The following IZUMO1 variants were observed in gnomAD, a reference collection of about 807,000 sequenced individuals.
IZUMO1 encodes the protein izumo sperm-oocyte fusion 1.
In IZUMO1, 44 loss-of-function variants were observed where a neutral mutation model predicts 40.7. That is an observed-to-expected ratio of 1.08 (90% CI 0.85 to 1.39). The LOEUF is 1.39. IZUMO1 is among the 40% of genes most tolerant of loss of function. The pLI is 0.00. For missense variants in IZUMO1, 368 were observed against 436.9 expected (o/e 0.84, Z 1.41); for synonymous variants, 149 against 170.9 (o/e 0.87, Z 1.00).
At chr19:48,746,139 G>T (rs1599761889) in intron 1 of IZUMO1, 1 of 1,289,258 alleles carries the variant, frequency 7.8e-7, no homozygotes, top group East Asian at 3.4e-5. Flanking sequence ...CCAACTGAGA[G>T]ATCAGAAAAA....
In IZUMO1 at chr19:48,741,528, C is replaced by A. The variant is rs761072642; in HGVS notation, c.755-50G>T. ...GTCCTGGCAGGGCGTGGAGTTCCTG[C>A]CCTGGCAAAGACAAGCCCGTCCCAG... On this transcript the variant is annotated intron_variant, in intron 8 of 9. Transcript: ENST00000332955. This position sits in a 1 kb window ranked among gnomAD's most constrained non-coding sequence, Gnocchi z 4.4. 6.4e-7 allele frequency: 1 copy of A among 1,562,332 alleles called. No individual in the cohort carries two copies. Among genetic ancestry groups the A allele is most frequent in the Non-Finnish European group, 8.7e-7 (1 of 1,144,310 alleles).
Position 48,741,187 on chromosome 19 carries a change from A to C in IZUMO1, c.932+114T>G. 1 of 1,435,964 alleles carries C rather than the reference A, an allele frequency of 7.0e-7. No individual in the cohort carries two copies. The highest frequency in any genetic ancestry group is 1.3e-5 in the South Asian group (1 of 74,804). 89.0% of individuals were successfully genotyped at this position (1,435,964 alleles called of 1,614,324 possible). ...TTCAAGCCCCCCGCACTCCATCCCCAGGAAAGTCCTGCTCTCAGGCCTCAG... is the reference window on the plus strand; with the variant it reads ...TTCAAGCCCCCCGCACTCCATCCCCCGGAAAGTCCTGCTCTCAGGCCTCAG... On this transcript the variant is annotated intron_variant, in intron 9 of 9. Transcript: ENST00000332955. This position sits in a 1 kb window ranked among gnomAD's most constrained non-coding sequence, Gnocchi z 4.4.
Position 48,741,546 on chromosome 19 carries a change from C to T in IZUMO1, c.755-68G>A. On this transcript the variant is annotated intron_variant, in intron 8 of 9. Coordinates refer to ENST00000332955, the MANE Select transcript of IZUMO1 (RefSeq NM_182575.3). This position sits in a 1 kb window ranked among gnomAD's most constrained non-coding sequence, Gnocchi z 4.4. Reference sequence around the variant, plus strand: ...GTTCCTGCCCTGGCAAAGACAAGCCCGTCCCAGTAGCCGGCCATCCCAGAG... The same window carrying T: ...GTTCCTGCCCTGGCAAAGACAAGCCTGTCCCAGTAGCCGGCCATCCCAGAG... The T allele has an allele frequency of 1.3e-6, 2 of 1,506,382 alleles. No homozygotes were observed. The highest frequency in any genetic ancestry group is 1.4e-5 in the African/African-American group (1 of 72,416). 93.3% of individuals were successfully genotyped at this position (1,506,382 alleles called of 1,614,324 possible).
intron 5 of IZUMO1, chr19:48,743,804 A>G (rs1025090339): frequency 1.4e-5 from 7 of 500,970 alleles, no homozygotes; most frequent in Non-Finnish European, 1.8e-5. Flanking sequence ...TAGCCTGACC[A>G]ACATGGTGAA....
rs2033854039 is a variant in IZUMO1 at position 48,745,449 on chromosome 19, T to C, written c.236-161A>G. 2.9e-6 allele frequency: 3 copies of C among 1,017,792 alleles called. No individual in the cohort carries two copies. In the South Asian group the frequency reaches 4.6e-5, roughly 16 times the overall value. 63.0% of individuals were successfully genotyped at this position (1,017,792 alleles called of 1,614,324 possible). ...GGAGTTGTAGTTTTATTACATAAAA[T>C]TGCCAGCCGAGGATAGGGAAAACGG... On this transcript the variant is annotated intron_variant, in intron 2 of 9. Coordinates refer to ENST00000332955, the MANE Select transcript of IZUMO1 (RefSeq NM_182575.3).
Position 48,746,800 on chromosome 19 carries a change from G to C in IZUMO1, c.-439C>G. The C allele has an allele frequency of 1.0e-6, 1 of 985,368 alleles. No individual in the cohort carries two copies. Among genetic ancestry groups the C allele is most frequent in the Non-Finnish European group, 1.2e-6 (1 of 829,916 alleles). 61.0% of individuals were successfully genotyped at this position (985,368 alleles called of 1,614,324 possible). On this transcript the variant is annotated 5_prime_UTR_variant, in exon 1 of 10. Coordinates refer to ENST00000332955, the MANE Select transcript of IZUMO1 (RefSeq NM_182575.3). ...TAAGGTTGGTTGCGTGAAATCGAGAGCTTTTCGACGGGGTCTGAGTCACGG... is the reference window on the plus strand; with the variant it reads ...TAAGGTTGGTTGCGTGAAATCGAGACCTTTTCGACGGGGTCTGAGTCACGG...
At position 48,745,386 on chromosome 19, in the gene IZUMO1, T is replaced by C; in HGVS notation, c.236-98A>G. The C allele has an allele frequency of 5.2e-6, 6 of 1,164,792 alleles. No individual in the cohort carries two copies. The South Asian group carries it at 7.7e-5, about 15-fold the overall frequency. 72.2% of individuals were successfully genotyped at this position (1,164,792 alleles called of 1,614,324 possible). ...TACCCATGAGGCCACTGGGCAAAGA[T>C]AGGCCTGGTTAAGGACTCAGCCGCC... On this transcript the variant is annotated intron_variant, in intron 2 of 9. Transcript: ENST00000332955.
In IZUMO1 at chr19:48,740,917, C is replaced by G. The variant is rs1360370129; in HGVS notation, c.1044G>C (p.Arg348Ser). ...QVPKEKATDS[R>S]QQ Reference sequence around the variant, plus strand: ...ACAACAAGATAAATCTTTATTGTTGCCTCGAATCTGTGGCCTTTTCTTTTG... The same window carrying G: ...ACAACAAGATAAATCTTTATTGTTGGCTCGAATCTGTGGCCTTTTCTTTTG... Residue 348 changes from arginine to serine, a missense_variant, in exon 10 of 10, where the codon AGG becomes AGC. Arg to Ser is a moderately radical substitution (Grantham distance 110, BLOSUM62 -1). Coordinates refer to ENST00000332955, the MANE Select transcript of IZUMO1 (RefSeq NM_182575.3). This position sits in a 1 kb window ranked among gnomAD's most constrained non-coding sequence, Gnocchi z 5.5. 6.2e-7 allele frequency: 1 copy of G among 1,614,034 alleles called. No homozygotes were observed. Among genetic ancestry groups the G allele is most frequent in the African/African-American group, 1.3e-5 (1 of 74,922 alleles).
chr19:48,746,153 TTAAACAGGAATCAC>T, intron 1 of IZUMO1: 21 of 1,256,718 alleles, frequency 1.7e-5, no homozygotes, highest in Non-Finnish European at 2.1e-5. Context: ...AGAAAAACTA[TTAAACAGGAATCAC>T]TCATAAGTCC....
chr19:48,741,019 A>T lies in IZUMO1; in HGVS notation c.942T>A (p.Arg314=). 6.2e-7 allele frequency: 1 copy of T among 1,613,918 alleles called. No individual in the cohort carries two copies. The highest frequency in any genetic ancestry group is 1.1e-5 in the South Asian group (1 of 91,066). The change falls in exon 10 of 10, where the codon CGT becomes CGA. Residue 314 remains arginine (R), a synonymous_variant. Coordinates refer to ENST00000332955, the MANE Select transcript of IZUMO1 (RefSeq NM_182575.3). The surrounding 1 kb of genome is among the most constrained non-coding windows in gnomAD (Gnocchi z 4.4). ...LITGLTFAIF[R]RRKVIDFIKS... is the part of the protein sequence containing the mutation. ...TGATGAAATCGATCACCTTCCTTCG[A>T]CGAAATATCCTAGGGGTGGGAGTGG...
intron 2 of IZUMO1, 113 bp from the exon 3 acceptor site, chr19:48,745,401 A>G (rs2033851517): frequency 1.8e-6 from 2 of 1,090,290 alleles, no homozygotes; most frequent in Admixed American, 2.2e-5. Context: ...CTGGTTAAGG[A>G]CTCAGCCGCC....
At position 48,741,062 on chromosome 19, in the gene IZUMO1, C is replaced by G; in HGVS notation, c.933-34G>C. The stretch of plus-strand genomic sequence containing the variant: ...GGGAGTGGGGTGCAGATCATGGAAC[C>G]GGTTTGGGTACTAATTGTGTGGGGG... On this transcript the variant is annotated intron_variant, in intron 9 of 9. Coordinates refer to ENST00000332955, the MANE Select transcript of IZUMO1 (RefSeq NM_182575.3). The surrounding 1 kb of genome is among the most constrained non-coding windows in gnomAD (Gnocchi z 4.4). 1 of 1,612,340 alleles carries G rather than the reference C, an allele frequency of 6.2e-7. No homozygotes were observed. Among genetic ancestry groups the G allele is most frequent in the South Asian group, 1.1e-5 (1 of 90,972 alleles).
At chr19:48,742,744 T>TC (rs1252130087) in intron 6 of IZUMO1, among the ~76,000 whole-genome samples, 2 of 148,426 alleles carry the variant, frequency 1.3e-5, no homozygotes, top group Non-Finnish European at 3.0e-5. Flanking sequence ...TTTTTTTTTT[T>TC]TTAGATGAAG....
At chr19:48,743,330 C>T (rs2033778070) in intron 6 of IZUMO1, 115 bp downstream of exon 6, 1 of 949,242 alleles carries the variant, frequency 1.1e-6, no homozygotes, top group African/African-American at 1.6e-5. Context: ...TGGCCTAAAC[C>T]CTACCTTTTC....
intron 6 of IZUMO1, among the ~76,000 whole-genome samples, chr19:48,742,749 AT>A (rs2033754497): frequency 1.3e-5 from 1 of 79,312 alleles, no homozygotes. Context: ...TTTTTTTTAG[AT>A]GAAGTCTCAC....
At chr19:48,742,646 C>A (rs936761667) in intron 6 of IZUMO1, among the ~76,000 whole-genome samples, 4 of 151,768 alleles carry the variant, frequency 2.6e-5, no homozygotes, top group African/African-American at 9.7e-5. Context: ...CTGCGCCGGG[C>A]CTCCTTCACG....
chr19:48,744,185 G>A lies in IZUMO1; in HGVS notation c.408C>T (p.Pro136=). The A allele has an allele frequency of 1.2e-6, 2 of 1,613,394 alleles. No individual in the cohort carries two copies. Among genetic ancestry groups the A allele is most frequent in the Non-Finnish European group, 1.7e-6 (2 of 1,179,404 alleles). The change falls in exon 5 of 10, where the codon CCC becomes CCT. Residue 136 remains proline, a synonymous_variant. Transcript: ENST00000332955. ...GTAATCCAGACTCACCACATTTGTT[G>A]GGACAATAAGCTGTGTCAAAAGAGA... ...VARFQKEAYC[P]NKCGVMLQTL...
rs2033688555 is a variant in IZUMO1, at chr19:48,741,511, A to G, written c.755-33T>C. ...AGAAAGCGTAAAGAGCAGTCCTGGC[A>G]GGGCGTGGAGTTCCTGCCCTGGCAA... On this transcript the variant is annotated intron_variant, in intron 8 of 9. Transcript: ENST00000332955. This position sits in a 1 kb window ranked among gnomAD's most constrained non-coding sequence, Gnocchi z 4.4. The G allele has an allele frequency of 6.3e-7, 1 of 1,581,964 alleles. No homozygotes were observed. The highest frequency in any genetic ancestry group is 1.7e-5 in the Admixed American group (1 of 58,418).
chr19:48,744,463 G>T lies in IZUMO1; in HGVS notation c.387C>A (p.Phe129Leu). The T allele has an allele frequency of 6.2e-7, 1 of 1,612,878 alleles. No homozygotes were observed. The highest frequency in any genetic ancestry group is 8.5e-7 in the Non-Finnish European group (1 of 1,178,918). ...KETFATYVAR[F>L]QKEAYCPNKC... Reference sequence around the variant, plus strand: ...CCCATCTTCTCTCACCCTCTTTTTGGAATCGAGCAACATAGGTGGCAAAGG... The same window carrying T: ...CCCATCTTCTCTCACCCTCTTTTTGTAATCGAGCAACATAGGTGGCAAAGG... Residue 129 changes from phenylalanine to leucine, a missense_variant, in exon 4 of 10, where the codon TTC (phenylalanine) becomes TTA (leucine). Physicochemically the swap from Phe to Leu is conservative, Grantham distance 22. Transcript: ENST00000332955.
Sources: gnomAD v4.1 joint callset for allele counts (sites outside exome capture counted in the v4.1 genomes callset) on GRCh38, gnomAD v4.1.1 for gene constraint, Gnocchi (gnomAD v3.1) non-coding constraint, MANE v1.5 for transcripts, NCBI Gene and HGNC (gene_info 2026-07-23, HGNC 2026-07-21) for gene names.